Variants in PRTFDC1 observed in about 807,000 individuals in gnomAD.
The protein encoded by PRTFDC1 is phosphoribosyltransferase domain-containing protein 1.
A neutral mutation model predicts 34.6 loss-of-function variants in PRTFDC1; 38 were observed. The ratio of observed to expected loss-of-function variants is 1.10; its 90% confidence interval spans 0.85 to 1.44. The LOEUF is 1.44. Among genes scored for constraint, PRTFDC1 ranks in the 40% most tolerant of loss-of-function variants. The pLI, the probability that PRTFDC1 is intolerant of heterozygous loss-of-function variation, is 0.00. For missense variants in PRTFDC1, 270 were observed against 283.0 expected, an observed-to-expected ratio of 0.95 and a Z score of 0.33; for synonymous variants, 93 against 98.1, an observed-to-expected ratio of 0.95 and a Z score of 0.31.
chr10:24,928,264 T>C (rs1300660882), intron 3 of PRTFDC1, among the ~76,000 whole-genome samples: 1 of 152,098 alleles, frequency 6.6e-6, no homozygotes, highest in Non-Finnish European at 1.5e-5. Flanking sequence ...CTTAAAAATA[T>C]GTATGTGTGT....
At chr10:24,873,468 C>A (rs1046823125) in intron 3 of PRTFDC1, among the ~76,000 whole-genome samples, 2 of 152,188 alleles carry the variant, frequency 1.3e-5, no homozygotes, top group African/African-American at 4.8e-5. Flanking sequence ...AAACAATATA[C>A]GCACCATATG....
At chr10:24,899,828 A>G (rs1473920589) in intron 3 of PRTFDC1, among the ~76,000 whole-genome samples, 1 of 152,250 alleles carries the variant, frequency 6.6e-6, no homozygotes, top group African/African-American at 2.4e-5. Context: ...AGAACAGCCA[A>G]CAATGTTGCG....
chr10:24,887,471 T>A (rs59594610), intron 3 of PRTFDC1, among the ~76,000 whole-genome samples: 86,365 of 150,762 alleles, frequency 0.57, 25,305 homozygotes, highest in Non-Finnish European at 0.65. Flanking sequence ...GCTTCCCCCC[T>A]CTCCCTTCGC....
chr10:24,927,835 C>T (rs1412718179), intron 3 of PRTFDC1, among the ~76,000 whole-genome samples: 1 of 137,940 alleles, frequency 7.2e-6, no homozygotes, highest in Non-Finnish European at 1.5e-5. Flanking sequence ...CTGCCTCAGC[C>T]TCCCAAAGTG....
intron 1 of PRTFDC1, among the ~76,000 whole-genome samples, chr10:24,949,005 C>T (rs1849295365): frequency 6.6e-6 from 1 of 152,170 alleles, no homozygotes; most frequent in South Asian, 2.1e-4. Context: ...TCTCTCAGTG[C>T]CTCAGTTTCC....
In PRTFDC1 at chr10:24,952,420, C is replaced by T; in HGVS notation, c.48+108G>A. On this transcript the variant is annotated intron_variant, in intron 1 of 8. Coordinates refer to ENST00000320152, the MANE Select transcript of PRTFDC1 (RefSeq NM_020200.7). This position sits in a 1 kb window ranked among gnomAD's most constrained non-coding sequence, Gnocchi z 5.1. Reference sequence around the variant, plus strand: ...ATCCCCGCCGGGAGGGAGAACAAAGCGGTGGCCCTCTCTCTCCCCCGACGC... The same window carrying T: ...ATCCCCGCCGGGAGGGAGAACAAAGTGGTGGCCCTCTCTCTCCCCCGACGC... The T allele has an allele frequency of 1.6e-6, 2 of 1,273,106 alleles. No individual in the cohort carries two copies. Among genetic ancestry groups the T allele is most frequent in the South Asian group, 1.3e-5 (1 of 76,520 alleles). 78.9% of individuals were successfully genotyped at this position (1,273,106 alleles called of 1,614,324 possible). A position where few individuals can be genotyped will look rare whatever the true frequency, so the allele number is the denominator to read the frequency against.
intron 3 of PRTFDC1, among the ~76,000 whole-genome samples, chr10:24,930,617 T>C (rs1243248951): frequency 6.6e-6 from 1 of 152,144 alleles, no homozygotes; most frequent in Non-Finnish European, 1.5e-5. Context: ...GACTGTACAC[T>C]CCAGTGGTCA....
At chr10:24,938,461 A>AC (rs1375085692) in intron 2 of PRTFDC1, among the ~76,000 whole-genome samples, 2 of 152,044 alleles carry the variant, frequency 1.3e-5, no homozygotes, top group African/African-American at 2.4e-5. Context: ...TGCTCTTATT[A>AC]CCCCCCAGCC....
chr10:24,858,275 A>G, intron 5 of PRTFDC1, 117 bp downstream of exon 5: 1 of 1,058,442 alleles, frequency 9.4e-7, no homozygotes, highest in Non-Finnish European at 1.4e-6. Context: ...TTTGGAGAGC[A>G]TGCACCCAGT....
At chr10:24,861,431 T>C (rs1444881874) in intron 4 of PRTFDC1, among the ~76,000 whole-genome samples, 3 of 152,066 alleles carry the variant, frequency 2.0e-5, no homozygotes, top group African/African-American at 4.8e-5. Context: ...ACCTGGGAAG[T>C]GGAGGTTGCA....
chr10:24,857,083 T>C (rs970693069), intron 5 of PRTFDC1, 88 bp from the exon 6 acceptor site: 10 of 1,096,598 alleles, frequency 9.1e-6, no homozygotes, highest in South Asian at 2.5e-5. Context: ...TGATTAATAA[T>C]GCATCGTAAT....
chr10:24,876,711 T>C (rs1847971134), intron 3 of PRTFDC1, among the ~76,000 whole-genome samples: 1 of 151,842 alleles, frequency 6.6e-6, no homozygotes, highest in African/African-American at 2.4e-5. Context: ...AAATTTATTA[T>C]TATTTATTTT....
At chr10:24,854,363 A>G (rs751532321) in intron 7 of PRTFDC1, among the ~76,000 whole-genome samples, 7 of 152,222 alleles carry the variant, frequency 4.6e-5, no homozygotes, top group Admixed American at 1.3e-4. Context: ...GACATGGTCC[A>G]GAGTTAACAC....
chr10:24,924,956 A>T (rs951820627), intron 3 of PRTFDC1, among the ~76,000 whole-genome samples: 12 of 152,214 alleles, frequency 7.9e-5, no homozygotes, highest in African/African-American at 2.9e-4. Flanking sequence ...TGACCCAGGG[A>T]TCCCATTACT....
chr10:24,869,968 G>T (rs552322598), intron 4 of PRTFDC1, among the ~76,000 whole-genome samples: 5 of 152,282 alleles, frequency 3.3e-5, no homozygotes, highest in Non-Finnish European at 5.9e-5. Context: ...ATTCCAATTT[G>T]TTATGGACCA....
chr10:24,926,017 C>T (rs1283746571), intron 3 of PRTFDC1, among the ~76,000 whole-genome samples: 3 of 152,128 alleles, frequency 2.0e-5, no homozygotes, highest in Non-Finnish European at 4.4e-5. Context: ...GGGAACTTGC[C>T]CAGTACTCCT....
At chr10:24,908,686 C>G in intron 3 of PRTFDC1, 1 of 1,592,446 alleles carries the variant, frequency 6.3e-7, no homozygotes, top group East Asian at 2.3e-5. Context: ...GAGCACGCAG[C>G]TTTGGGAGAG....
intron 3 of PRTFDC1, among the ~76,000 whole-genome samples, chr10:24,920,038 G>T (rs898560134): frequency 6.6e-6 from 1 of 152,170 alleles, no homozygotes; most frequent in Non-Finnish European, 1.5e-5. Flanking sequence ...ATGTAAATTA[G>T]TTCAACCATT....
rs376615834 is a variant in PRTFDC1 at position 24,927,238 on chromosome 10, A to T, written c.339+9946T>A. 3.3e-5 allele frequency among the ~76,000 whole-genome samples: 5 copies of T among 152,284 alleles called. 1 individual carries two copies. The East Asian group carries it at 9.7e-4, about 29-fold the overall frequency. ...AGCCCATCATAAATACCTCTTAAAA[A>T]CCAAAAGTCAAAGAGAAAACAGGAC... On this transcript the variant is annotated intron_variant, in intron 3 of 8. Coordinates refer to ENST00000320152, the MANE Select transcript of PRTFDC1 (RefSeq NM_020200.7).
Sources: gnomAD v4.1 joint callset for allele counts (sites outside exome capture counted in the v4.1 genomes callset) on GRCh38, gnomAD v4.1.1 for gene constraint, Gnocchi (gnomAD v3.1) non-coding constraint, MANE v1.5 for transcripts, NCBI Gene and HGNC (gene_info 2026-07-23, HGNC 2026-07-21) for gene names.